Variants in NUP214 observed in about 807,000 individuals in gnomAD.
The protein encoded by NUP214 is nuclear pore complex protein Nup214.
NUP214 carries 79 observed loss-of-function variants against 196.2 expected under a neutral mutation model. That is an observed-to-expected ratio of 0.40 (90% CI 0.34 to 0.49). The LOEUF is 0.49. Among genes scored for constraint, NUP214 ranks in the 20% least tolerant of loss-of-function variants. The pLI, the probability that NUP214 is intolerant of heterozygous loss-of-function variation, is 0.58. For missense variants in NUP214, 2,468 were observed against 2,539.0 expected (o/e 0.97, Z 0.60); for synonymous variants, 1,020 against 990.5 (o/e 1.03, Z -0.56).
chr9:131,189,973 G>A (rs1833553874), intron 26 of NUP214: 1 of 160,802 alleles, frequency 6.2e-6, no homozygotes, highest in African/African-American at 2.4e-5. Context: ...TACATTAGCA[G>A]CCTGCGTCTC....
intron 17 of NUP214, 43 bp from the exon 18 acceptor site, chr9:131,159,340 A>G (rs1340926293): frequency 1.2e-5 from 17 of 1,430,322 alleles, no homozygotes; most frequent in South Asian, 2.4e-5. Flanking sequence ...CCCCCAAACT[A>G]TCAGAAAAAC....
chr9:131,228,005 G>A (rs1834771258), intron 32 of NUP214, among the ~76,000 whole-genome samples, 155 bp from the exon 33 acceptor site: 1 of 151,506 alleles, frequency 6.6e-6, no homozygotes, highest in South Asian at 2.1e-4. Flanking sequence ...GGGGGGTGTT[G>A]CCCTTTACTC....
At chr9:131,187,183 T>C in intron 24 of NUP214, 106 bp from the exon 25 acceptor site, 1 of 911,340 alleles carries the variant, frequency 1.1e-6, no homozygotes, top group Non-Finnish European at 1.8e-6. Context: ...ATCTGTATCC[T>C]ACCCAAAACT....
chr9:131,191,667 C>A (rs1833605631), intron 26 of NUP214: 1 of 152,052 alleles, frequency 6.6e-6, no homozygotes, highest in Non-Finnish European at 1.5e-5. Context: ...TTGTTAAATG[C>A]CAACAAAATC....
At chr9:131,177,079 T>C (rs1358612390) in intron 23 of NUP214, among the ~76,000 whole-genome samples, 1 of 152,234 alleles carries the variant, frequency 6.6e-6, no homozygotes, top group East Asian at 1.9e-4. Context: ...TTTTTAGATG[T>C]ATCACTGCTT....
chr9:131,174,189 G>A lies in NUP214; in HGVS notation c.3028G>A (p.Val1010Ile). 3 of 1,613,936 alleles carry A rather than the reference G, an allele frequency of 1.9e-6. No homozygotes were observed. The highest frequency in any genetic ancestry group is 2.5e-6 in the Non-Finnish European group (3 of 1,179,980). Residue 1010 changes from valine to isoleucine, a missense_variant, in exon 22 of 36, where the codon GTT becomes ATT. Transcript: ENST00000359428. The part of the protein sequence containing the change: ...RTSCKDDEAV[V>I]QAPRHAPVVR... ...GTCCTGTAAAGATGACGAGGCAGTG[G>A]TTCAGGCCCCTCGGCACGCCCCCGT...
At chr9:131,131,884 T>C (rs1401352371) in intron 5 of NUP214, among the ~76,000 whole-genome samples, 2 of 151,954 alleles carry the variant, frequency 1.3e-5, no homozygotes, top group African/African-American at 4.8e-5. Flanking sequence ...AGATAGGGTT[T>C]TGCCATGTTG....
intron 30 of NUP214, among the ~76,000 whole-genome samples, chr9:131,212,305 G>C (rs765155734): frequency 3.9e-5 from 6 of 152,114 alleles, no homozygotes; most frequent in Admixed American, 2.0e-4. Flanking sequence ...ATTTCACCCT[G>C]GTCCTGTGAT....
At chr9:131,207,385 C>G (rs939507746) in intron 30 of NUP214, among the ~76,000 whole-genome samples, 1 of 152,236 alleles carries the variant, frequency 6.6e-6, no homozygotes, top group African/African-American at 2.4e-5. Flanking sequence ...TGAAGGCTCA[C>G]TCTGATGTCA....
chr9:131,204,790 G>A (rs1473917559), intron 30 of NUP214, among the ~76,000 whole-genome samples: 1 of 152,178 alleles, frequency 6.6e-6, no homozygotes, highest in African/African-American at 2.4e-5. Flanking sequence ...AGATTCAGAA[G>A]CCCAACAAGT....
chr9:131,209,772 A>G (rs1161125396), intron 30 of NUP214, among the ~76,000 whole-genome samples: 2 of 152,228 alleles, frequency 1.3e-5, no homozygotes, highest in Non-Finnish European at 2.9e-5. Context: ...TTCAGCATAC[A>G]TATCCTCCAG....
In NUP214 at chr9:131,198,552, T is replaced by C. The variant is rs750123532; in HGVS notation, c.5058T>C (p.Phe1686=). The change falls in exon 29 of 36, where the codon TTT becomes TTC. Residue 1686 remains phenylalanine, a synonymous_variant. Coordinates refer to ENST00000359428, the MANE Select transcript of NUP214 (RefSeq NM_005085.4). ...QVAASTAPSL[F]GQQTGSTAST... is the part of the protein sequence containing the mutation. ...CAGCCAGCACCGCACCAAGTCTGTT[T>C]GGGCAGCAGACTGGTAGCACAGCCA... 1 of 1,614,210 alleles carries C rather than the reference T, an allele frequency of 6.2e-7. No homozygotes were observed. Among genetic ancestry groups the C allele is most frequent in the East Asian group, 2.2e-5 (1 of 44,886 alleles).
intron 10 of NUP214, among the ~76,000 whole-genome samples, chr9:131,140,257 C>T (rs1831866682): frequency 6.6e-6 from 1 of 152,198 alleles, no homozygotes; most frequent in Non-Finnish European, 1.5e-5. Context: ...ACACAAGCCA[C>T]TGAGACACTC....
rs752080898 is a variant in NUP214, at chr9:131,127,757, A to C, written c.241+38A>C. 4 of 1,451,916 alleles carry C rather than the reference A, an allele frequency of 2.8e-6. No individual in the cohort carries two copies. The Admixed American group carries it at 7.1e-5, about 26-fold the overall frequency. 89.9% of individuals were successfully genotyped at this position (1,451,916 alleles called of 1,614,324 possible). A position where few individuals can be genotyped will look rare whatever the true frequency, so the allele number is the denominator to read the frequency against. On this transcript the variant is annotated intron_variant, in intron 2 of 35. Coordinates refer to ENST00000359428, the MANE Select transcript of NUP214 (RefSeq NM_005085.4). ...GTTTATGTTGCAAAGTAGAGAGAGG[A>C]GTATGGTGGCATGCTCTTGTGTTTC...
chr9:131,214,429 C>G (rs1314628897), intron 30 of NUP214, among the ~76,000 whole-genome samples: 1 of 152,212 alleles, frequency 6.6e-6, no homozygotes, highest in African/African-American at 2.4e-5. Context: ...TAGCACCGCT[C>G]TGCTCTTGCA....
At chr9:131,220,582 G>A (rs1219801740) in intron 31 of NUP214, among the ~76,000 whole-genome samples, 1 of 152,196 alleles carries the variant, frequency 6.6e-6, no homozygotes, top group African/African-American at 2.4e-5. Flanking sequence ...GAGGTTGAAG[G>A]AACAGAGAAG....
chr9:131,159,743 G>T (rs1334988702), intron 18 of NUP214, among the ~76,000 whole-genome samples: 3 of 151,990 alleles, frequency 2.0e-5, no homozygotes, highest in Admixed American at 6.6e-5. Context: ...TATAATCCCA[G>T]CTACTATGGA....
In NUP214 at chr9:131,145,797, T is replaced by C. The variant is rs1359797805; in HGVS notation, c.1770-332T>C. Among the ~76,000 whole-genome samples, 3 of 152,220 alleles carry C rather than the reference T, an allele frequency of 2.0e-5. No homozygotes were observed. In the East Asian group the frequency reaches 5.8e-4, roughly 29 times the overall value. On this transcript the variant is annotated intron_variant, in intron 12 of 35. Transcript: ENST00000359428. ...AAAGTACTAACTCTCCTAAGCATAATTGTGTCCCACCTCCTGTTTAAAACT... is the reference window on the plus strand; with the variant it reads ...AAAGTACTAACTCTCCTAAGCATAACTGTGTCCCACCTCCTGTTTAAAACT...
intron 34 of NUP214, 81 bp downstream of exon 34, chr9:131,230,850 C>T (rs1399657829): frequency 1.4e-6 from 2 of 1,467,096 alleles, no homozygotes; most frequent in African/African-American, 1.4e-5. Context: ...TATGTTTTAC[C>T]TGACCAGTCT....
Sources: gnomAD v4.1 joint callset for allele counts (sites outside exome capture counted in the v4.1 genomes callset) on GRCh38, gnomAD v4.1.1 for gene constraint, MANE v1.5 for transcripts, NCBI Gene and HGNC (gene_info 2026-07-23, HGNC 2026-07-21) for gene names.